The following UNC79 variants were observed in gnomAD, a reference collection of about 807,000 sequenced individuals.
The protein encoded by UNC79 is unc-79 subunit of NALCN channel complex.
In UNC79, 37 loss-of-function variants were observed where a neutral mutation model predicts 283.1. The ratio of observed to expected loss-of-function variants is 0.13; its 90% CI spans 0.10 to 0.17. The LOEUF is 0.17. Among genes scored for constraint, UNC79 ranks in the 10% least tolerant of loss-of-function variants. The pLI is 1.00. For missense variants in UNC79, 2,272 were observed against 3,211.1 expected (o/e 0.71, Z 7.07); for synonymous variants, 1,107 against 1,200.2 (o/e 0.92, Z 1.61).
chr14:93,411,063 T>G (rs1200355691), intron 1 of UNC79, among the ~76,000 whole-genome samples: 1 of 151,914 alleles, frequency 6.6e-6, no homozygotes, highest in African/African-American at 2.4e-5. Context: ...CTACCCTGAG[T>G]CAGAGGGGAG....
intron 35 of UNC79, among the ~76,000 whole-genome samples, chr14:93,648,135 C>G (rs1030752699): frequency 2.0e-5 from 3 of 152,196 alleles, no homozygotes; most frequent in Admixed American, 6.5e-5. Context: ...AGTTACTGAT[C>G]AAGGGGCATG....
intron 4 of UNC79, among the ~76,000 whole-genome samples, chr14:93,486,811 A>C (rs972793452): frequency 3.3e-5 from 5 of 151,974 alleles, no homozygotes; most frequent in Admixed American, 6.5e-5. Context: ...ATGGTATTTG[A>C]TGTCATCTTA....
Position 93,397,568 on chromosome 14 carries a change from TG to T in UNC79, c.-351+64048del, listed in dbSNP as rs564768524. Among the ~76,000 whole-genome samples the T allele has an allele frequency of 1.2e-3, 184 of 152,232 alleles. 4 individuals carry two copies. In the Middle Eastern group the frequency reaches 0.034, roughly 28 times the overall value. ...TAGGGAAAATTAAAATGCTACAACC[TG>T]GGCCCTATGGTTCCTGCCTGTAATC... On this transcript the variant is annotated intron_variant, in intron 1 of 49. Coordinates refer to the UNC79 transcript ENST00000256339.
intron 1 of UNC79, among the ~76,000 whole-genome samples, chr14:93,459,656 G>A (rs2056890952): frequency 7.7e-6 from 1 of 129,548 alleles, no homozygotes; most frequent in South Asian, 2.5e-4. Flanking sequence ...TACTGTTTTT[G>A]AACTTTGGTT....
chr14:93,465,249 T>G (rs939650621), intron 1 of UNC79, among the ~76,000 whole-genome samples: 3 of 152,176 alleles, frequency 2.0e-5, no homozygotes, highest in Non-Finnish European at 4.4e-5. Context: ...TACATATATA[T>G]GCAGATATGT....
intron 1 of UNC79, chr14:93,335,079 C>T (rs2053548132): frequency 6.6e-6 from 1 of 152,188 alleles, no homozygotes; most frequent in African/African-American, 2.4e-5. Flanking sequence ...TTCAGGATAA[C>T]ACTTTTTCTA....
rs2066860275 is a variant in UNC79, at chr14:93,618,070, C to G, written c.4225-122C>G. The G allele has an allele frequency of 3.8e-6, 4 of 1,040,944 alleles. No individual in the cohort carries two copies. In the East Asian group the frequency reaches 8.2e-5, roughly 21 times the overall value. The allele number at this position is 1,040,944 out of a possible 1,614,324, so 64.5% of individuals were successfully genotyped here. On this transcript the variant is annotated intron_variant, in intron 28 of 48. Transcript: ENST00000555664. ...GAGCAGAATTTGTTTCTACTTCTCT[C>G]TCTCTCTCATATATATATTTATCCC... is the stretch of plus-strand genomic sequence containing the variant.
chr14:93,632,782 A>G (rs1437256559), intron 31 of UNC79, among the ~76,000 whole-genome samples: 1 of 152,198 alleles, frequency 6.6e-6, no homozygotes, highest in Non-Finnish European at 1.5e-5. Flanking sequence ...ATAGTTAAAT[A>G]TACCATAAAA....
At chr14:93,532,510 C>G in intron 10 of UNC79, 40 bp from the exon 11 acceptor site, 1 of 1,596,624 alleles carries the variant, frequency 6.3e-7, no homozygotes, top group Non-Finnish European at 8.5e-7. Flanking sequence ...TAGAGGGGCT[C>G]TCTTTCTTTG....
At chr14:93,656,933 G>A (rs1281607118) in intron 38 of UNC79, among the ~76,000 whole-genome samples, 2 of 152,190 alleles carry the variant, frequency 1.3e-5, no homozygotes, top group African/African-American at 4.8e-5. Flanking sequence ...TCTGAAATGA[G>A]TATTATGTAA....
At chr14:93,359,477 G>C (rs2054175196) in intron 1 of UNC79, among the ~76,000 whole-genome samples, 1 of 152,154 alleles carries the variant, frequency 6.6e-6, no homozygotes, top group Non-Finnish European at 1.5e-5. Flanking sequence ...AAATAAAATG[G>C]GGATAATTAG....
intron 14 of UNC79, among the ~76,000 whole-genome samples, chr14:93,544,127 T>C (rs964566590): frequency 6.6e-6 from 1 of 152,222 alleles, no homozygotes; most frequent in Admixed American, 6.5e-5. Context: ...GAAATGATTA[T>C]GTTGGGAGAA....
At chr14:93,655,390 T>C (rs763872673) in exon 38 of UNC79, 1 of 1,614,086 alleles carries the variant, frequency 6.2e-7, no homozygotes, top group Non-Finnish European at 8.5e-7. Flanking sequence ...CAAGCTGCCT[T>C]GTGTTTTACC....
At chr14:93,706,637 C>G (rs1022914162) in intron 48 of UNC79, 67 bp from the exon 52 acceptor site, 1 of 1,584,810 alleles carries the variant, frequency 6.3e-7, no homozygotes, top group Admixed American at 1.7e-5. Context: ...AGAAGCCGCC[C>G]GGGTCGACAC....
chr14:93,349,700 T>C (rs1321051779), intron 1 of UNC79, among the ~76,000 whole-genome samples: 1 of 152,198 alleles, frequency 6.6e-6, no homozygotes, highest in African/African-American at 2.4e-5. Flanking sequence ...GTGGACTGTT[T>C]AAAGTGTTTT....
rs368633285 is a variant in UNC79 at position 93,431,310 on chromosome 14, C to G, written c.22+259C>G. On this transcript the variant is annotated intron_variant, in intron 1 of 48. Coordinates refer to ENST00000555664, the Ensembl canonical transcript of UNC79. ...GGTTTCTCAAGACTCAGAGACCCTG[C>G]GAAATGAAATTAAAATGGGGTCATT... Among the ~76,000 whole-genome samples, 165 of 151,058 alleles carry G rather than the reference C, an allele frequency of 1.1e-3. No homozygotes were observed. The Middle Eastern group carries it at 0.014, about 13-fold the overall frequency.
At chr14:93,622,980 C>T (rs996321679) in intron 30 of UNC79, 139 bp downstream of exon 32, 3 of 1,138,288 alleles carry the variant, frequency 2.6e-6, no homozygotes, top group African/African-American at 1.6e-5. Context: ...TTCTCAATCA[C>T]TCTGAATCCT....
At chr14:93,334,095 G>T (rs2053521392) in intron 1 of UNC79, among the ~76,000 whole-genome samples, 1 of 152,178 alleles carries the variant, frequency 6.6e-6, no homozygotes, top group East Asian at 1.9e-4. Flanking sequence ...CCACCTCTAA[G>T]CTTCAAAGGA....
chr14:93,554,328 A>G (rs1022277658), intron 14 of UNC79, among the ~76,000 whole-genome samples: 1 of 150,530 alleles, frequency 6.6e-6, no homozygotes, highest in African/African-American at 2.5e-5. Context: ...AGCCTGGGTG[A>G]CTGGCTGAAG....
Sources: allele counts gnomAD v4.1 joint callset (sites outside exome capture counted in the v4.1 genomes callset), GRCh38; gene constraint gnomAD v4.1.1; transcripts MANE v1.5; gene names NCBI Gene and HGNC (gene_info 2026-07-23, HGNC 2026-07-21).